Variants in TMEM232 observed in about 807,000 individuals in gnomAD.
The protein encoded by TMEM232 is transmembrane protein 232.
Under a neutral mutation model 78.8 loss-of-function variants are expected in TMEM232, and 80 were observed. The observed-to-expected ratio is 1.01, with a 90% CI of 0.85 to 1.22. The LOEUF is 1.22. Among genes scored for constraint, TMEM232 ranks in the 50% most tolerant of loss-of-function variants. The pLI, the probability that TMEM232 is intolerant of heterozygous loss-of-function variation, is 0.00. For missense variants in TMEM232, 881 were observed against 742.2 expected (o/e 1.19, Z -2.17); for synonymous variants, 297 against 254.3 (o/e 1.17, Z -1.60).
At chr5:110,565,526 T>C (rs1455909216) in intron 11 of TMEM232, among the ~76,000 whole-genome samples, 1 of 151,976 alleles carries the variant, frequency 6.6e-6, no homozygotes, top group African/African-American at 2.4e-5. Flanking sequence ...GAAATATCCC[T>C]TGGCATACAG....
chr5:110,580,856 A>G (rs1379518281), intron 10 of TMEM232, among the ~76,000 whole-genome samples: 1 of 151,544 alleles, frequency 6.6e-6, no homozygotes, highest in African/African-American at 2.4e-5. Context: ...CCACAGTGGA[A>G]TGAAACTACC....
chr5:110,549,445 T>C (rs1774185744), intron 11 of TMEM232, among the ~76,000 whole-genome samples: 1 of 151,572 alleles, frequency 6.6e-6, no homozygotes, highest in Non-Finnish European at 1.5e-5. Flanking sequence ...TGAGATCCAA[T>C]CTCTACAAAA....
intron 1 of TMEM232, chr5:110,720,542 G>A (rs1047759811): frequency 1.3e-5 from 2 of 152,070 alleles, no homozygotes; most frequent in African/African-American, 2.4e-5. Context: ...TTGCACTTGA[G>A]GGGAAGATGG....
intron 11 of TMEM232, among the ~76,000 whole-genome samples, chr5:110,540,432 T>C (rs182965929): frequency 1.8e-3 from 277 of 152,246 alleles, no homozygotes; most frequent in Non-Finnish European, 3.3e-3. Context: ...CATGCCACAC[T>C]CTTAGAAAAC....
chr5:110,527,715 T>A (rs1770796586), intron 12 of TMEM232, among the ~76,000 whole-genome samples: 1 of 151,818 alleles, frequency 6.6e-6, no homozygotes, highest in Admixed American at 6.6e-5. Context: ...AATCAATCAA[T>A]CACAGCCTAT....
chr5:110,399,100 C>T (rs575764151), intron 2 of TMEM232, among the ~76,000 whole-genome samples: 8 of 151,610 alleles, frequency 5.3e-5, no homozygotes, highest in Admixed American at 1.3e-4. Flanking sequence ...TGGTCTGCCA[C>T]GAAGAACCCT....
At chr5:110,396,118 G>A (rs1292272847) in intron 3 of TMEM232, among the ~76,000 whole-genome samples, 2 of 152,178 alleles carry the variant, frequency 1.3e-5, no homozygotes, top group African/African-American at 2.4e-5. Context: ...AATTGTGGCA[G>A]AAGGCAAAGG....
In TMEM232 at chr5:110,522,810, T is replaced by C. The variant is rs533866486; in HGVS notation, c.1703+5778A>G. The stretch of plus-strand genomic sequence containing the variant: ...ATTATTTTAAGATGCTTCTGGATTC[T>C]GTTTGTTACTATTTTGTTGAGGATT... On this transcript the variant is annotated intron_variant, in intron 12 of 13. Coordinates refer to ENST00000455884, the MANE Select transcript of TMEM232 (RefSeq NM_001039763.4). 3.9e-5 allele frequency among the ~76,000 whole-genome samples: 6 copies of C among 152,302 alleles called. No homozygotes were observed. The East Asian group carries it at 5.8e-4, about 15-fold the overall frequency.
intron 12 of TMEM232, among the ~76,000 whole-genome samples, chr5:110,521,315 GT>G (rs1055964727): frequency 1.3e-5 from 2 of 152,064 alleles, no homozygotes; most frequent in Non-Finnish European, 1.5e-5. Context: ...AGACCTGAGA[GT>G]TTTTTTGGCT....
chr5:110,573,896 C>T (rs971358391), intron 10 of TMEM232, among the ~76,000 whole-genome samples: 5 of 152,044 alleles, frequency 3.3e-5, no homozygotes, highest in African/African-American at 7.2e-5. Flanking sequence ...TTACAAGACA[C>T]CTGAGGGTCA....
chr5:110,638,003 T>A (rs1179799521), intron 5 of TMEM232, among the ~76,000 whole-genome samples, 195 bp downstream of exon 5: 1 of 152,132 alleles, frequency 6.6e-6, no homozygotes, highest in Non-Finnish European at 1.5e-5. Flanking sequence ...TGACATTATA[T>A]TTTCTCAAAC....
intron 11 of TMEM232, among the ~76,000 whole-genome samples, chr5:110,562,290 G>T (rs1775841320): frequency 6.6e-6 from 1 of 152,026 alleles, no homozygotes; most frequent in Non-Finnish European, 1.5e-5. Context: ...TAATGCCCAT[G>T]AATGCTCAAT....
chr5:110,718,189 C>A (rs984397812), intron 1 of TMEM232, among the ~76,000 whole-genome samples: 1 of 151,862 alleles, frequency 6.6e-6, no homozygotes, highest in Non-Finnish European at 1.5e-5. Flanking sequence ...TTATAGAATG[C>A]CGTGCTAGAT....
intron 12 of TMEM232, among the ~76,000 whole-genome samples, chr5:110,509,783 T>C (rs1248836205): frequency 6.6e-6 from 1 of 152,144 alleles, no homozygotes; most frequent in Non-Finnish European, 1.5e-5. Context: ...ACACAATGTA[T>C]GCTCAGGGAT....
At chr5:110,578,538 C>A (rs941188624) in intron 10 of TMEM232, among the ~76,000 whole-genome samples, 1 of 151,968 alleles carries the variant, frequency 6.6e-6, no homozygotes, top group East Asian at 1.9e-4. Flanking sequence ...AAATCTAGTC[C>A]AGTGAAAATT....
At chr5:110,628,805 T>C (rs1215658847) in intron 5 of TMEM232, 1 of 151,864 alleles carries the variant, frequency 6.6e-6, no homozygotes, top group Admixed American at 6.6e-5. Context: ...CAGTGCATCA[T>C]CCAAGACTAT....
At chr5:110,622,043 T>A (rs896012167) in intron 7 of TMEM232, among the ~76,000 whole-genome samples, 1 of 152,202 alleles carries the variant, frequency 6.6e-6, no homozygotes. Context: ...GGGTTTCATG[T>A]AGTTTTCAGT....
chr5:110,649,541 T>C (rs1257846436), intron 2 of TMEM232, among the ~76,000 whole-genome samples: 14 of 152,128 alleles, frequency 9.2e-5, no homozygotes, highest in Non-Finnish European at 2.1e-4. Context: ...ATTCTAGTCG[T>C]TCATATTCTA....
Position 110,679,354 on chromosome 5 carries a change from T to C in TMEM232, c.-12-11990A>G, listed in dbSNP as rs114486191. Among the ~76,000 whole-genome samples the C allele has an allele frequency of 5.5e-3, 843 of 152,332 alleles. 8 individuals are homozygous for C. The highest frequency in any genetic ancestry group is 0.019 in the African/African-American group (796 of 41,576). ...GTTGAGGTGCTGTTAAGGTTTTTGGTCCATTTTTAATCATGTTGCTTGTTT... is the reference window on the plus strand; with the variant it reads ...GTTGAGGTGCTGTTAAGGTTTTTGGCCCATTTTTAATCATGTTGCTTGTTT... On this transcript the variant is annotated intron_variant, in intron 1 of 13. Coordinates refer to ENST00000455884, the MANE Select transcript of TMEM232 (RefSeq NM_001039763.4).
Sources: allele counts gnomAD v4.1 joint callset (sites outside exome capture counted in the v4.1 genomes callset), GRCh38; gene constraint gnomAD v4.1.1; transcripts MANE v1.5; gene names NCBI Gene and HGNC (gene_info 2026-07-23, HGNC 2026-07-21).